The following PPP2R2B variants were observed in gnomAD, a reference collection of about 807,000 sequenced individuals.
The protein encoded by PPP2R2B is protein phosphatase 2 regulatory subunit Bbeta, also known as serine/threonine-protein phosphatase 2A 55 kDa regulatory subunit B beta isoform.
A neutral mutation model predicts 46.0 loss-of-function variants in PPP2R2B; 5 were observed. That is an observed-to-expected ratio of 0.11 (90% CI 0.06 to 0.23). PPP2R2B has a LOEUF of 0.23. Among genes scored for constraint, PPP2R2B ranks in the 10% least tolerant of loss-of-function variants. The pLI is 1.00. For synonymous variants in PPP2R2B, 215 were observed against 206.7 expected (o/e 1.04, Z -0.34); for missense variants, 367 against 575.0 (o/e 0.64, Z 3.70).
At chr5:146,823,261 G>A (rs1321752545) in intron 2 of PPP2R2B, among the ~76,000 whole-genome samples, 2 of 152,072 alleles carry the variant, frequency 1.3e-5, no homozygotes, top group Non-Finnish European at 2.9e-5. Flanking sequence ...GCAGTGGCAT[G>A]ATCTCGACTC....
chr5:146,799,395 A>C (rs1384824759), intron 2 of PPP2R2B, among the ~76,000 whole-genome samples: 1 of 152,180 alleles, frequency 6.6e-6, no homozygotes, highest in Non-Finnish European at 1.5e-5. Flanking sequence ...TCAGTAAAAG[A>C]GGTGTGAAAC....
At chr5:146,897,455 T>G (rs1392407529) in intron 1 of PPP2R2B, among the ~76,000 whole-genome samples, 1 of 152,154 alleles carries the variant, frequency 6.6e-6, no homozygotes, top group Non-Finnish European at 1.5e-5. Context: ...GCTCTGCATT[T>G]TGGAATTAGG....
Position 146,899,175 on chromosome 5 carries a change from G to A in PPP2R2B, c.79+156490C>T, listed in dbSNP as rs370378705. ...TGCTGCTATAAAGACACATGCACACGTATGTTTATTGCAGCACTATTCACA... is the reference window on the plus strand; with the variant it reads ...TGCTGCTATAAAGACACATGCACACATATGTTTATTGCAGCACTATTCACA... On this transcript the variant is annotated intron_variant, in intron 1 of 8. Transcript: ENST00000336640. Among the ~76,000 whole-genome samples the A allele has an allele frequency of 1.2e-3, 178 of 146,872 alleles. 3 individuals carry two copies. In the East Asian group the frequency reaches 0.02, roughly 17 times the overall value.
At chr5:146,838,163 CAT>C (rs1443513067) in intron 2 of PPP2R2B, among the ~76,000 whole-genome samples, 1 of 152,144 alleles carries the variant, frequency 6.6e-6, no homozygotes, top group Non-Finnish European at 1.5e-5. Context: ...TTGGTATTTG[CAT>C]ATAGTCTCTA....
chr5:147,030,928 A>G (rs1755748116), intron 1 of PPP2R2B, among the ~76,000 whole-genome samples: 1 of 152,064 alleles, frequency 6.6e-6, no homozygotes, highest in African/African-American at 2.4e-5. Flanking sequence ...ATTATCTCAT[A>G]TTTTACTCGT....
At chr5:147,072,808 A>G (rs914589234) in intron 2 of PPP2R2B, among the ~76,000 whole-genome samples, 2 of 152,228 alleles carry the variant, frequency 1.3e-5, no homozygotes, top group Non-Finnish European at 2.9e-5. Flanking sequence ...GAACCTGAGC[A>G]AATAGCACAA....
chr5:146,582,583 T>C lies in PPP2R2B; in HGVS notation c.*7364A>G, dbSNP rs1769945551. 1.3e-5 allele frequency: 2 copies of C among 152,256 alleles called. No homozygotes were observed. Among genetic ancestry groups the C allele is most frequent in the Non-Finnish European group, 2.9e-5 (2 of 68,058 alleles). The allele number at this position is 152,256 out of a possible 1,614,324, so 9.4% of individuals were successfully genotyped here. ...CTCTGATGCCCTGTTTGGATCTCCA[T>C]ATATCATTCAAACTCCCAATGGCAT... On this transcript the variant is annotated 3_prime_UTR_variant, in exon 10 of 10. Coordinates refer to ENST00000394411, the MANE Select transcript of PPP2R2B (RefSeq NM_181675.4).
At chr5:146,863,736 ACT>A (rs1761146623) in intron 2 of PPP2R2B, among the ~76,000 whole-genome samples, 1 of 152,036 alleles carries the variant, frequency 6.6e-6, no homozygotes, top group Non-Finnish European at 1.5e-5. Flanking sequence ...TATTGTATAA[ACT>A]TTTTTAAATT....
rs539240704 is a variant in PPP2R2B at position 146,955,155 on chromosome 5, A to C, written c.79+100510T>G. Among the ~76,000 whole-genome samples, 251 of 152,274 alleles carry C rather than the reference A, an allele frequency of 1.6e-3. 2 individuals carry two copies. The highest frequency in any genetic ancestry group is 5.4e-3 in the Admixed American group (82 of 15,286). On this transcript the variant is annotated intron_variant, in intron 1 of 8. Transcript: ENST00000336640. The stretch of plus-strand genomic sequence containing the variant: ...TTTACCAAGAGCTCATACTCTACCA[A>C]TTGTGCTAAAATATAATACATTATT...
At chr5:146,866,456 T>G (rs1209372534) in intron 2 of PPP2R2B, among the ~76,000 whole-genome samples, 1 of 152,166 alleles carries the variant, frequency 6.6e-6, no homozygotes, top group East Asian at 1.9e-4. Flanking sequence ...CTATTTTCTC[T>G]TTCACTCCAT....
At chr5:146,942,570 A>G (rs1236221896) in intron 1 of PPP2R2B, among the ~76,000 whole-genome samples, 1 of 152,172 alleles carries the variant, frequency 6.6e-6, no homozygotes, top group Non-Finnish European at 1.5e-5. Context: ...GAAGAAAAAT[A>G]TGCATTTTTA....
intron 2 of PPP2R2B, among the ~76,000 whole-genome samples, chr5:146,865,088 A>G (rs1385643721): frequency 6.6e-6 from 1 of 152,232 alleles, no homozygotes; most frequent in East Asian, 1.9e-4. Context: ...CATTATTTAT[A>G]TATTTCAGAA....
intron 1 of PPP2R2B, among the ~76,000 whole-genome samples, chr5:146,987,554 T>C (rs962334156): frequency 1.3e-5 from 2 of 152,020 alleles, no homozygotes; most frequent in African/African-American, 4.8e-5. Context: ...CAGGTTATCA[T>C]CAGTTTAAAA....
intron 1 of PPP2R2B, among the ~76,000 whole-genome samples, chr5:147,018,467 T>A (rs371060050): frequency 2.6e-5 from 4 of 152,324 alleles, no homozygotes; most frequent in African/African-American, 9.6e-5. Flanking sequence ...ATTTTTTATA[T>A]ATATTTTTTA....
chr5:146,601,060 C>T (rs2151018265), intron 7 of PPP2R2B, among the ~76,000 whole-genome samples: 1 of 152,248 alleles, frequency 6.6e-6, no homozygotes, highest in South Asian at 2.1e-4. Context: ...TTGGGACTGG[C>T]TCCTTTTACT....
At chr5:146,998,237 G>T (rs189066804) in intron 1 of PPP2R2B, among the ~76,000 whole-genome samples, 1 of 152,248 alleles carries the variant, frequency 6.6e-6, no homozygotes, top group Non-Finnish European at 1.5e-5. Context: ...GTGAAGAGAA[G>T]TGAGGTAAAC....
chr5:146,802,138 T>C (rs1193969531), intron 2 of PPP2R2B, among the ~76,000 whole-genome samples: 4 of 152,140 alleles, frequency 2.6e-5, no homozygotes, highest in African/African-American at 9.7e-5. Flanking sequence ...AGTAACAATC[T>C]GACTGAGGAA....
At chr5:146,669,248 C>A (rs1268437956) in intron 5 of PPP2R2B, among the ~76,000 whole-genome samples, 3 of 151,902 alleles carry the variant, frequency 2.0e-5, no homozygotes, top group African/African-American at 7.3e-5. Flanking sequence ...ACTATATATG[C>A]TTAGAATAAT....
chr5:147,050,750 CTA>C (rs1340981306), intron 1 of PPP2R2B, among the ~76,000 whole-genome samples: 13 of 151,838 alleles, frequency 8.6e-5, no homozygotes. Context: ...AGTATGCATC[CTA>C]TGTTTTACTT....
Sources: allele counts gnomAD v4.1 joint callset (sites outside exome capture counted in the v4.1 genomes callset), GRCh38; gene constraint gnomAD v4.1.1; transcripts MANE v1.5; gene names NCBI Gene and HGNC (gene_info 2026-07-23, HGNC 2026-07-21).